AUTS2: variants seen among roughly 807,000 people sequenced by gnomAD.
The protein encoded by AUTS2 is activator of transcription and developmental regulator AUTS2.
Under a neutral mutation model 112.4 loss-of-function variants are expected in AUTS2, and 17 were observed. The ratio of observed to expected loss-of-function variants is 0.15; its 90% CI spans 0.10 to 0.23. The LOEUF (loss-of-function observed/expected upper bound fraction) is 0.23, where lower values mean the gene tolerates loss of function less well. Ranked by LOEUF, AUTS2 falls within the 10% of genes least tolerant of loss-of-function variation. The pLI is 1.00. For missense variants in AUTS2, 1,510 were observed against 1,701.6 expected (o/e 0.89, Z 1.98); for synonymous variants, 751 against 702.7 (o/e 1.07, Z -1.09).
intron 4 of AUTS2, among the ~76,000 whole-genome samples, chr7:70,320,228 T>C (rs1399459845): frequency 1.3e-5 from 2 of 152,234 alleles, no homozygotes; most frequent in Admixed American, 1.3e-4. Context: ...AGTATCATCT[T>C]CAGGAAGCTA....
Position 69,741,809 on chromosome 7 carries a change from C to CTT in AUTS2, c.309+141858_309+141859dup, listed in dbSNP as rs768610985. Among the ~76,000 whole-genome samples, 270 of 144,776 alleles carry CTT rather than the reference C, an allele frequency of 1.9e-3. 1 individual carries two copies. The highest frequency in any genetic ancestry group is 6.5e-3 in the African/African-American group (257 of 39,788). 95.0% of individuals were successfully genotyped at this position (144,776 alleles called of 152,430 possible). Reference sequence around the variant, plus strand: ...AACCTAAATCCAGTATTTGTTTTGCCTTTTTTTTTTTTGAGACAGGGCCTC... The same window carrying CTT: ...AACCTAAATCCAGTATTTGTTTTGCCTTTTTTTTTTTTTTGAGACAGGGCCTC... On this transcript the variant is annotated intron_variant, in intron 1 of 18. Transcript: ENST00000342771.
At chr7:70,690,370 A>G (rs563431204) in intron 5 of AUTS2, among the ~76,000 whole-genome samples, 110 of 152,322 alleles carry the variant, frequency 7.2e-4, no homozygotes, top group African/African-American at 2.5e-3. Flanking sequence ...CCCTCCTTCA[A>G]TCACCTAGTG....
chr7:70,117,026 T>C (rs1485868569), intron 2 of AUTS2, among the ~76,000 whole-genome samples: 1 of 152,130 alleles, frequency 6.6e-6, no homozygotes, highest in Non-Finnish European at 1.5e-5. Flanking sequence ...TTTATGTATT[T>C]GTTCATTTTT....
chr7:69,756,271 G>A (rs1287196893), intron 1 of AUTS2, among the ~76,000 whole-genome samples: 1 of 152,208 alleles, frequency 6.6e-6, no homozygotes, highest in East Asian at 1.9e-4. Flanking sequence ...GAAATTATAG[G>A]GTGGGAAAGA....
chr7:70,410,320 C>T (rs1165734271), intron 4 of AUTS2, among the ~76,000 whole-genome samples: 1 of 152,072 alleles, frequency 6.6e-6, no homozygotes, highest in Non-Finnish European at 1.5e-5. Context: ...TATGTTGCCT[C>T]ACAGTCATAA....
intron 4 of AUTS2, among the ~76,000 whole-genome samples, chr7:70,391,749 C>T (rs1793870979): frequency 6.6e-6 from 1 of 152,226 alleles, no homozygotes; most frequent in African/African-American, 2.4e-5. Flanking sequence ...CATACATTTT[C>T]ATTTGTTCTC....
intron 4 of AUTS2, among the ~76,000 whole-genome samples, chr7:70,427,773 G>A (rs1795494486): frequency 6.6e-6 from 1 of 152,166 alleles, no homozygotes; most frequent in African/African-American, 2.4e-5. Context: ...AATAAGAAGT[G>A]TTCCCTTAGC....
At chr7:70,490,133 A>C (rs1158119200) in intron 5 of AUTS2, among the ~76,000 whole-genome samples, 1 of 152,108 alleles carries the variant, frequency 6.6e-6, no homozygotes, top group Non-Finnish European at 1.5e-5. Flanking sequence ...ACCGAAGAAC[A>C]CAGATAAACC....
chr7:69,641,265 A>G (rs1794785648), intron 1 of AUTS2, among the ~76,000 whole-genome samples: 1 of 152,240 alleles, frequency 6.6e-6, no homozygotes, highest in Non-Finnish European at 1.5e-5. Flanking sequence ...TGTTCATACA[A>G]TAAGCCCAAA....
intron 2 of AUTS2, among the ~76,000 whole-genome samples, chr7:70,059,335 A>G (rs1313167000): frequency 1.3e-5 from 2 of 152,168 alleles, no homozygotes; most frequent in African/African-American, 2.4e-5. Context: ...TAATGGCTTA[A>G]TAGCTCATTT....
At chr7:70,064,024 A>T (rs1802376905) in intron 2 of AUTS2, among the ~76,000 whole-genome samples, 1 of 152,236 alleles carries the variant, frequency 6.6e-6, no homozygotes, top group African/African-American at 2.4e-5. Context: ...AGAAGGCGTC[A>T]TTCTATTACA....
intron 5 of AUTS2, among the ~76,000 whole-genome samples, chr7:70,581,239 T>A (rs1374487974): frequency 4.0e-5 from 6 of 151,690 alleles, no homozygotes; most frequent in Non-Finnish European, 8.8e-5. Flanking sequence ...CAAAAAAATT[T>A]GCCGGGCATG....
chr7:69,630,914 C>T (rs1310247245), intron 1 of AUTS2, among the ~76,000 whole-genome samples: 1 of 151,876 alleles, frequency 6.6e-6, no homozygotes, highest in Non-Finnish European at 1.5e-5. Context: ...TTTCTATCCA[C>T]CCATTTATTC....
intron 1 of AUTS2, among the ~76,000 whole-genome samples, chr7:69,748,299 C>T (rs1472484804): frequency 6.6e-6 from 1 of 152,096 alleles, no homozygotes; most frequent in African/African-American, 2.4e-5. Flanking sequence ...GTGGGGAGAC[C>T]ATATCTTTAA....
chr7:70,318,824 C>T lies in AUTS2; in HGVS notation c.661-116928C>T, dbSNP rs539799201. ...CACTTCTCATTACAACATTTTACTA[C>T]CATCAACCTCTCAGCAGAACTGCTG... On this transcript the variant is annotated intron_variant, in intron 4 of 18. Transcript: ENST00000342771. 3.3e-5 allele frequency among the ~76,000 whole-genome samples: 5 copies of T among 152,306 alleles called. No individual in the cohort carries two copies. The East Asian group carries it at 9.7e-4, about 29-fold the overall frequency.
chr7:70,373,974 G>A (rs534820463), intron 4 of AUTS2, among the ~76,000 whole-genome samples: 240 of 152,144 alleles, frequency 1.6e-3, no homozygotes, highest in Non-Finnish European at 2.6e-3. Flanking sequence ...AATGATTGTA[G>A]TGTGTATGTG....
intron 2 of AUTS2, among the ~76,000 whole-genome samples, chr7:70,052,704 A>G (rs936273497): frequency 2.6e-5 from 4 of 152,202 alleles, no homozygotes; most frequent in African/African-American, 9.7e-5. Flanking sequence ...AGAAGCTTAT[A>G]CTATACCTAC....
intron 5 of AUTS2, among the ~76,000 whole-genome samples, chr7:70,462,109 A>G (rs117749505): frequency 0.053 from 7,986 of 152,044 alleles, 268 homozygotes; most frequent in Middle Eastern, 0.11. Context: ...AAAATTATCC[A>G]GGTGTGGTGG....
chr7:70,362,357 A>T (rs1467436649), intron 4 of AUTS2, among the ~76,000 whole-genome samples: 2 of 151,556 alleles, frequency 1.3e-5, no homozygotes, highest in Admixed American at 1.3e-4. Context: ...CCCTTTCCAG[A>T]CTGTTCTTCC....
Sources: allele counts gnomAD v4.1 joint callset (sites outside exome capture counted in the v4.1 genomes callset), GRCh38; gene constraint gnomAD v4.1.1; transcripts MANE v1.5; gene names NCBI Gene and HGNC (gene_info 2026-07-23, HGNC 2026-07-21).